The following LRRC4C variants were observed in gnomAD, a reference collection of about 807,000 sequenced individuals.
LRRC4C encodes the protein leucine-rich repeat-containing protein 4C.
A neutral mutation model predicts 33.6 loss-of-function variants in LRRC4C; 5 were observed. The ratio of observed to expected loss-of-function variants is 0.15; its 90% CI spans 0.08 to 0.31. LRRC4C has a LOEUF of 0.31. Ranked by LOEUF, LRRC4C falls within the 10% of genes least tolerant of loss-of-function variation. The pLI, the probability that LRRC4C is intolerant of heterozygous loss-of-function variation, is 1.00. For synonymous variants in LRRC4C, 329 were observed against 302.0 expected (o/e 1.09, Z -0.93); for missense variants, 560 against 796.7 (o/e 0.70, Z 3.58).
At chr11:40,581,870 T>C (rs1345682551) in intron 3 of LRRC4C, among the ~76,000 whole-genome samples, 4 of 152,112 alleles carry the variant, frequency 2.6e-5, no homozygotes, top group Non-Finnish European at 5.9e-5. Context: ...GCCACTGCAC[T>C]CCAGCCTGGG....
At chr11:40,245,942 G>C (rs1392822460) in intron 4 of LRRC4C, among the ~76,000 whole-genome samples, 1 of 150,096 alleles carries the variant, frequency 6.7e-6, no homozygotes, top group African/African-American at 2.4e-5. Context: ...AAAATTCTTA[G>C]ATACATGATA....
intron 5 of LRRC4C, among the ~76,000 whole-genome samples, chr11:40,143,474 A>G (rs568238125): frequency 6.6e-6 from 1 of 152,032 alleles, no homozygotes; most frequent in African/African-American, 2.4e-5. Flanking sequence ...CTGGCTCCTT[A>G]TTGTTTCTCC....
chr11:41,347,168 G>C (rs1341557998), intron 1 of LRRC4C, among the ~76,000 whole-genome samples: 1 of 152,048 alleles, frequency 6.6e-6, no homozygotes, highest in African/African-American at 2.4e-5. Flanking sequence ...GGCATTGCAG[G>C]GTCCATCAGA....
intron 1 of LRRC4C, among the ~76,000 whole-genome samples, chr11:40,934,208 CAT>C (rs1957763617): frequency 6.6e-6 from 1 of 152,162 alleles, no homozygotes; most frequent in South Asian, 2.1e-4. Context: ...TCCACAAACT[CAT>C]AGTCATTCTT....
At chr11:40,761,678 T>C (rs1382744399) in intron 2 of LRRC4C, among the ~76,000 whole-genome samples, 2 of 152,142 alleles carry the variant, frequency 1.3e-5, no homozygotes, top group Non-Finnish European at 2.9e-5. Flanking sequence ...CCAAGTTATA[T>C]TTTCATTAAG....
chr11:40,827,836 A>T (rs10742561), intron 2 of LRRC4C, among the ~76,000 whole-genome samples: 110,794 of 151,550 alleles, frequency 0.73, 41,510 homozygotes, highest in East Asian at 0.86. Context: ...TATCAAGTGA[A>T]TAAAGAAATA....
At chr11:41,010,576 A>G (rs1855097673) in intron 1 of LRRC4C, among the ~76,000 whole-genome samples, 2 of 152,196 alleles carry the variant, frequency 1.3e-5, no homozygotes, top group African/African-American at 4.8e-5. Flanking sequence ...CTGTGAAACA[A>G]TGCTGTGCCT....
At chr11:41,287,347 T>C (rs1225826887) in intron 1 of LRRC4C, among the ~76,000 whole-genome samples, 1 of 152,180 alleles carries the variant, frequency 6.6e-6, no homozygotes, top group East Asian at 1.9e-4. Context: ...CATAGGATGA[T>C]GGAAGGGTTT....
rs74424029 is a variant in LRRC4C at position 40,676,396 on chromosome 11, C to T, written c.-406-28118G>A. Among the ~76,000 whole-genome samples, 1,409 of 152,214 alleles carry T rather than the reference C, an allele frequency of 9.3e-3. 21 individuals are homozygous for T. Among genetic ancestry groups the T allele is most frequent in the African/African-American group, 0.031 (1,305 of 41,536 alleles). On this transcript the variant is annotated intron_variant, in intron 2 of 6. Coordinates refer to ENST00000528697, the MANE Select transcript of LRRC4C (RefSeq NM_001258419.2). ...CCTAGAGATCATCTAATTTAACCTC[C>T]TACACTGTAGGAATTCCCTCCGTAG...
At chr11:41,433,059 T>A (rs1425878053) in intron 1 of LRRC4C, among the ~76,000 whole-genome samples, 1 of 152,226 alleles carries the variant, frequency 6.6e-6, no homozygotes, top group South Asian at 2.1e-4. Flanking sequence ...CTCCTCTCAA[T>A]GCCTCAATAA....
At chr11:40,282,305 A>G (rs956938077) in intron 4 of LRRC4C, among the ~76,000 whole-genome samples, 1 of 152,122 alleles carries the variant, frequency 6.6e-6, no homozygotes, top group Admixed American at 6.6e-5. Flanking sequence ...AGATCGCACC[A>G]CTGCACTCCA....
At chr11:40,149,117 T>C (rs1277746975) in intron 5 of LRRC4C, among the ~76,000 whole-genome samples, 1 of 152,212 alleles carries the variant, frequency 6.6e-6, no homozygotes, top group Non-Finnish European at 1.5e-5. Context: ...GTGTGATGTA[T>C]CCAGCTTTGT....
intron 1 of LRRC4C, among the ~76,000 whole-genome samples, chr11:41,362,592 T>C (rs1432621580): frequency 6.6e-6 from 1 of 152,140 alleles, no homozygotes; most frequent in African/African-American, 2.4e-5. Flanking sequence ...GATATATTAG[T>C]TTTCTGTTAC....
At chr11:41,405,734 T>C (rs1467363179) in intron 1 of LRRC4C, among the ~76,000 whole-genome samples, 1 of 152,080 alleles carries the variant, frequency 6.6e-6, no homozygotes, top group Non-Finnish European at 1.5e-5. Flanking sequence ...ATCAAATAAA[T>C]TCAATTCTTT....
At chr11:40,559,330 T>C (rs1267978110) in intron 3 of LRRC4C, among the ~76,000 whole-genome samples, 1 of 151,568 alleles carries the variant, frequency 6.6e-6, no homozygotes, top group East Asian at 1.9e-4. Context: ...ACCACAGGAG[T>C]GTACCACCTC....
intron 1 of LRRC4C, among the ~76,000 whole-genome samples, chr11:41,235,205 T>C (rs991641118): frequency 6.6e-6 from 1 of 152,026 alleles, no homozygotes; most frequent in African/African-American, 2.4e-5. Context: ...CAAATTTGCA[T>C]ATGCATTAAA....
intron 2 of LRRC4C, among the ~76,000 whole-genome samples, chr11:40,683,161 G>A (rs548364173): frequency 1.2e-4 from 18 of 152,260 alleles, no homozygotes; most frequent in Admixed American, 5.2e-4. Flanking sequence ...AAGCAGCAAA[G>A]GCTTGATGCG....
chr11:40,889,556 A>AT (rs1291811809), intron 2 of LRRC4C, among the ~76,000 whole-genome samples: 1 of 152,104 alleles, frequency 6.6e-6, no homozygotes, highest in Non-Finnish European at 1.5e-5. Context: ...AAAACAAAAT[A>AT]TTTTTTGAAT....
intron 3 of LRRC4C, among the ~76,000 whole-genome samples, chr11:40,345,636 C>T (rs759421347): frequency 2.0e-5 from 3 of 151,904 alleles, no homozygotes; most frequent in Non-Finnish European, 2.9e-5. Flanking sequence ...GATGTAGGAC[C>T]CGGCAAAAAT....
Sources: allele counts gnomAD v4.1 joint callset (sites outside exome capture counted in the v4.1 genomes callset), GRCh38; gene constraint gnomAD v4.1.1; transcripts MANE v1.5; gene names NCBI Gene and HGNC (gene_info 2026-07-23, HGNC 2026-07-21).